The following AGPAT3 variants were observed in gnomAD, a reference collection of about 807,000 sequenced individuals.
AGPAT3 encodes 1-acyl-sn-glycerol-3-phosphate acyltransferase gamma.
In AGPAT3, 5 loss-of-function variants were observed where a neutral mutation model predicts 47.3. The observed-to-expected ratio is 0.11, with a 90% CI of 0.06 to 0.22. The LOEUF (loss-of-function observed/expected upper bound fraction) is 0.22, where lower values mean the gene tolerates loss of function less well. Among genes scored for constraint, AGPAT3 ranks in the 10% least tolerant of loss-of-function variants. The pLI is 1.00. For synonymous variants in AGPAT3, 212 were observed against 208.3 expected, an observed-to-expected ratio of 1.02 and a Z score of -0.15; for missense variants, 315 against 493.0, an observed-to-expected ratio of 0.64 and a Z score of 3.42.
chr21:43,909,485 A>C (rs1163493119), intron 2 of AGPAT3, among the ~76,000 whole-genome samples: 2 of 151,852 alleles, frequency 1.3e-5, no homozygotes, highest in African/African-American at 2.4e-5. Flanking sequence ...TTTAGTAGAG[A>C]TGGGGTTTCA....
At chr21:43,968,554 C>T (rs1270434685) in intron 4 of AGPAT3, among the ~76,000 whole-genome samples, 1 of 151,840 alleles carries the variant, frequency 6.6e-6, no homozygotes, top group African/African-American at 2.4e-5. Context: ...TGAGGAGGTG[C>T]CGGGGAGGCC....
Position 43,970,011 on chromosome 21 carries a change from T to TC in AGPAT3, c.511-641dup, listed in dbSNP as rs1168930832. On this transcript the variant is annotated intron_variant, in intron 5 of 9. Transcript: ENST00000291572. This position sits in a 1 kb window ranked among gnomAD's most constrained non-coding sequence, Gnocchi z 5.8. ...AGCTTGCCAGCCTGCTGTTAGCATT[T>TC]CTTTTTTTTTGTTTTGAGACAGAGC... is the stretch of plus-strand genomic sequence containing the variant. 7.0e-6 allele frequency among the ~76,000 whole-genome samples: 1 copy of TC among 142,942 alleles called. No individual in the cohort carries two copies. The highest frequency in any genetic ancestry group is 1.5e-5 in the Non-Finnish European group (1 of 67,884). The allele number at this position is 142,942 out of a possible 152,430, so 93.8% of individuals were successfully genotyped here.
chr21:43,937,511 C>T (rs1344368038), intron 2 of AGPAT3, among the ~76,000 whole-genome samples: 5 of 152,196 alleles, frequency 3.3e-5, no homozygotes, highest in African/African-American at 9.6e-5. Context: ...CTGCACCAGC[C>T]ATCACAACTT....
chr21:43,885,063 G>A (rs944097722), intron 1 of AGPAT3, among the ~76,000 whole-genome samples: 11 of 152,250 alleles, frequency 7.2e-5, no homozygotes, highest in African/African-American at 1.7e-4. Context: ...AGTGACGTGC[G>A]GTGCTGAGCA....
At position 43,942,782 on chromosome 21, in the gene AGPAT3, G is replaced by GC. The variant is rs894371782; in HGVS notation, c.-48-16847dup. On this transcript the variant is annotated intron_variant, in intron 2 of 9. Transcript: ENST00000291572. ...GTGGTCAGGTGGGGTCTTGTCTTTA[G>GC]CCCCCTTCGGTGGCTCACTTGGCGG... Among the ~76,000 whole-genome samples, 8 of 152,324 alleles carry GC rather than the reference G, an allele frequency of 5.3e-5. No individual in the cohort carries two copies. In the East Asian group the frequency reaches 1.5e-3, roughly 29 times the overall value.
intron 2 of AGPAT3, among the ~76,000 whole-genome samples, chr21:43,911,027 A>G (rs893909760): frequency 6.6e-6 from 1 of 152,230 alleles, no homozygotes; most frequent in Non-Finnish European, 1.5e-5. Flanking sequence ...CCTGGAGGGA[A>G]CCACTGTAAG....
chr21:43,947,330 T>C (rs899094834), intron 2 of AGPAT3, among the ~76,000 whole-genome samples: 2 of 152,228 alleles, frequency 1.3e-5, no homozygotes, highest in African/African-American at 4.8e-5. Flanking sequence ...CTGGGGGCCC[T>C]GGGGCTACTG....
At chr21:43,947,376 C>G (rs2087943161) in intron 2 of AGPAT3, among the ~76,000 whole-genome samples, 1 of 152,234 alleles carries the variant, frequency 6.6e-6, no homozygotes, top group African/African-American at 2.4e-5. Flanking sequence ...GAGCGTGCAG[C>G]CGTGTGGGTC....
intron 2 of AGPAT3, chr21:43,948,418 G>A (rs1468371188): frequency 6.6e-6 from 1 of 152,232 alleles, no homozygotes; most frequent in East Asian, 1.9e-4. Context: ...TGGACCCAGG[G>A]CACATGCCCA....
At chr21:43,916,585 T>C (rs1348288376) in intron 2 of AGPAT3, among the ~76,000 whole-genome samples, 1 of 151,250 alleles carries the variant, frequency 6.6e-6, no homozygotes, top group Non-Finnish European at 1.5e-5. Context: ...ATTTATTTCA[T>C]GTATTTTTAA....
At chr21:43,892,692 G>A (rs1235191570) in intron 1 of AGPAT3, among the ~76,000 whole-genome samples, 2 of 152,228 alleles carry the variant, frequency 1.3e-5, no homozygotes, top group Non-Finnish European at 2.9e-5. Flanking sequence ...TAACAAGAAA[G>A]TCAGCCTGTC....
intron 5 of AGPAT3, among the ~76,000 whole-genome samples, chr21:43,969,834 A>C (rs562697047): frequency 1.3e-5 from 2 of 151,934 alleles, no homozygotes; most frequent in South Asian, 4.1e-4. Context: ...AGTAGCTGAC[A>C]TTACAGGTGC....
intron 1 of AGPAT3, among the ~76,000 whole-genome samples, chr21:43,886,754 A>T (rs1211716533): frequency 6.6e-6 from 1 of 152,116 alleles, no homozygotes; most frequent in Non-Finnish European, 1.5e-5. Flanking sequence ...AGTTCCATCC[A>T]TGTTGTTGCA....
chr21:43,884,355 C>T (rs1177366552), intron 1 of AGPAT3, among the ~76,000 whole-genome samples: 4 of 151,106 alleles, frequency 2.6e-5, no homozygotes, highest in Non-Finnish European at 4.4e-5. Context: ...CACTGGTTTC[C>T]GATGGTGGGT....
chr21:43,930,950 A>T lies in AGPAT3; in HGVS notation c.-49+26931A>T, dbSNP rs2087221907. ...GTTTTTATGGCCCCCACTACGTGAG[A>T]TCCTGGGGCAGGGGCTGTGGGGGCT... On this transcript the variant is annotated intron_variant, in intron 2 of 9. Transcript: ENST00000291572. The surrounding 1 kb of genome is among the most constrained non-coding windows in gnomAD (Gnocchi z 5.0). Among the ~76,000 whole-genome samples the T allele has an allele frequency of 6.6e-6, 1 of 151,922 alleles. No homozygotes were observed. The highest frequency in any genetic ancestry group is 1.5e-5 in the Non-Finnish European group (1 of 67,956).
At chr21:43,887,944 C>T (rs892893626) in intron 1 of AGPAT3, among the ~76,000 whole-genome samples, 4 of 152,248 alleles carry the variant, frequency 2.6e-5, no homozygotes, top group South Asian at 2.1e-4. Flanking sequence ...TGAGCCACCA[C>T]GCCCGGCCCA....
intron 1 of AGPAT3, among the ~76,000 whole-genome samples, chr21:43,892,721 A>G (rs1001891921): frequency 2.0e-5 from 3 of 152,248 alleles, no homozygotes; most frequent in African/African-American, 7.2e-5. Flanking sequence ...CTTTGAAGCC[A>G]GACATTGACT....
intron 2 of AGPAT3, among the ~76,000 whole-genome samples, chr21:43,951,025 C>G (rs2088167411): frequency 6.6e-6 from 1 of 152,224 alleles, no homozygotes; most frequent in African/African-American, 2.4e-5. Flanking sequence ...TCTACTGTTC[C>G]TGATGGTGGA....
chr21:43,962,733 G>C (rs1204611654), intron 3 of AGPAT3, among the ~76,000 whole-genome samples: 2 of 152,224 alleles, frequency 1.3e-5, no homozygotes, highest in African/African-American at 4.8e-5. Flanking sequence ...CGCGAGACAA[G>C]CTAGGGTTAA....
Sources: allele counts gnomAD v4.1 joint callset (sites outside exome capture counted in the v4.1 genomes callset), GRCh38; gene constraint gnomAD v4.1.1; non-coding constraint Gnocchi (gnomAD v3.1); transcripts MANE v1.5; gene names NCBI Gene and HGNC (gene_info 2026-07-23, HGNC 2026-07-21).